NFATC3: variants seen among roughly 807,000 people sequenced by gnomAD.
NFATC3 encodes nuclear factor of activated T cells 3.
In NFATC3, 46 loss-of-function variants were observed where a neutral mutation model predicts 98.6. The observed-to-expected ratio is 0.47, with a 90% CI of 0.37 to 0.60. The LOEUF is 0.60. Ranked by LOEUF, NFATC3 falls within the 20% of genes least tolerant of loss-of-function variation. The pLI, the probability that NFATC3 is intolerant of heterozygous loss-of-function variation, is 0.00. For synonymous variants in NFATC3, 512 were observed against 472.2 expected (o/e 1.08, Z -1.09); for missense variants, 1,256 against 1,295.5 (o/e 0.97, Z 0.47).
chr16:68,179,302 G>A (rs2039856936), intron 6 of NFATC3, among the ~76,000 whole-genome samples: 1 of 152,106 alleles, frequency 6.6e-6, no homozygotes, highest in South Asian at 2.1e-4. Flanking sequence ...ATAATCAACT[G>A]TTTGCGTTTG....
At chr16:68,157,772 G>A in intron 3 of NFATC3, 97 bp from the exon 4 acceptor site, 4 of 912,080 alleles carry the variant, frequency 4.4e-6, no homozygotes, top group Non-Finnish European at 4.9e-6. Context: ...TGTGTCAATA[G>A]TATATGATAG....
intron 1 of NFATC3, among the ~76,000 whole-genome samples, chr16:68,100,315 G>C (rs900627326): frequency 6.6e-6 from 1 of 151,862 alleles, no homozygotes; most frequent in Non-Finnish European, 1.5e-5. Context: ...GCTCACACCT[G>C]TAATCCCAGC....
chr16:68,187,975 G>T (rs1317417323), intron 8 of NFATC3, among the ~76,000 whole-genome samples: 1 of 152,086 alleles, frequency 6.6e-6, no homozygotes, highest in African/African-American at 2.4e-5. Flanking sequence ...CTGTCAAGGG[G>T]CGCCTGCAAA....
chr16:68,145,617 T>C (rs535490637), intron 3 of NFATC3, among the ~76,000 whole-genome samples: 2 of 152,312 alleles, frequency 1.3e-5, no homozygotes, highest in South Asian at 2.1e-4. Context: ...AAAGTCAATA[T>C]ACTATATGAT....
At position 68,143,353 on chromosome 16, in the gene NFATC3, A is replaced by C. The variant is rs2037859979; in HGVS notation, c.1402-14516A>C. On this transcript the variant is annotated intron_variant, in intron 3 of 9. Coordinates refer to ENST00000346183, the MANE Select transcript of NFATC3 (RefSeq NM_173165.3). ...AATGTGAAAATCAGCTGGAATTGTC[A>C]ATTTTTAATTTAAAATAGGTAATAG... is the stretch of plus-strand genomic sequence containing the variant. Among the ~76,000 whole-genome samples, 3 of 152,292 alleles carry C rather than the reference A, an allele frequency of 2.0e-5. No homozygotes were observed. The South Asian group carries it at 6.2e-4, about 32-fold the overall frequency.
chr16:68,160,532 A>G (rs2038842398), intron 4 of NFATC3, among the ~76,000 whole-genome samples: 1 of 152,122 alleles, frequency 6.6e-6, no homozygotes, highest in Non-Finnish European at 1.5e-5. Context: ...ATAAATTTAA[A>G]TAAAATCTTT....
chr16:68,158,954 G>A (rs143471090), intron 4 of NFATC3, among the ~76,000 whole-genome samples: 103 of 152,310 alleles, frequency 6.8e-4, no homozygotes, highest in African/African-American at 2.3e-3. Context: ...TAGGGAGGCC[G>A]AGCACCATGG....
chr16:68,201,955 C>T (rs1431562518), intron 9 of NFATC3, among the ~76,000 whole-genome samples: 61 of 76,432 alleles, frequency 8.0e-4, no homozygotes, highest in Middle Eastern at 0.016. Context: ...GAGACTCCAT[C>T]TCAAAAAAAA....
At chr16:68,187,728 C>A (rs557198199) in intron 8 of NFATC3, among the ~76,000 whole-genome samples, 1 of 152,220 alleles carries the variant, frequency 6.6e-6, no homozygotes, top group Non-Finnish European at 1.5e-5. Flanking sequence ...ATGGATGAGT[C>A]CAGGTTTTAT....
intron 9 of NFATC3, chr16:68,214,509 G>GC: frequency 7.9e-7 from 1 of 1,259,084 alleles, no homozygotes; most frequent in Non-Finnish European, 1.2e-6. Context: ...ATTTGCATGT[G>GC]CTACAGAGGA....
chr16:68,119,102 C>T (rs1277709184), intron 1 of NFATC3, among the ~76,000 whole-genome samples: 4 of 152,044 alleles, frequency 2.6e-5, no homozygotes, highest in African/African-American at 4.8e-5. Context: ...CTCCTGATCT[C>T]GTGATCCACC....
chr16:68,166,560 A>G (rs184484591), intron 4 of NFATC3, among the ~76,000 whole-genome samples: 8 of 152,342 alleles, frequency 5.3e-5, no homozygotes, highest in Middle Eastern at 6.8e-3. Flanking sequence ...GCAGGCATAG[A>G]TACTCTACGT....
chr16:68,178,875 G>A (rs1364216937), intron 6 of NFATC3, among the ~76,000 whole-genome samples: 3 of 152,164 alleles, frequency 2.0e-5, no homozygotes, highest in Non-Finnish European at 4.4e-5. Context: ...TGGTTTTAGA[G>A]GAGATTGCAG....
chr16:68,164,183 C>T (rs1010568151), intron 4 of NFATC3, among the ~76,000 whole-genome samples: 1 of 152,210 alleles, frequency 6.6e-6, no homozygotes, highest in South Asian at 2.1e-4. Flanking sequence ...GCGGATCACT[C>T]GTGGTTAGGA....
chr16:68,134,948 T>C (rs749773325), intron 3 of NFATC3, among the ~76,000 whole-genome samples: 3 of 152,130 alleles, frequency 2.0e-5, no homozygotes, highest in Non-Finnish European at 2.9e-5. Context: ...ATAGAGATAA[T>C]GTTCTTTTAT....
intron 4 of NFATC3, among the ~76,000 whole-genome samples, chr16:68,162,029 A>C (rs2038916625): frequency 6.6e-6 from 1 of 152,134 alleles, no homozygotes; most frequent in Non-Finnish European, 1.5e-5. Context: ...TGTATTTTAG[A>C]CCAGAAAGGA....
chr16:68,126,332 A>G lies in NFATC3; in HGVS notation c.1239-116A>G, dbSNP rs1224032543. ...CTTACTAAATGAAGTTTTATTTTGTAATACATTGTTTCAAAGATCAAAGGA... is the reference window on the plus strand; with the variant it reads ...CTTACTAAATGAAGTTTTATTTTGTGATACATTGTTTCAAAGATCAAAGGA... On this transcript the variant is annotated intron_variant, in intron 2 of 9. Coordinates refer to ENST00000346183, the MANE Select transcript of NFATC3 (RefSeq NM_173165.3). 7.9e-5 allele frequency: 70 copies of G among 884,572 alleles called. 2 individuals are homozygous for G. Among genetic ancestry groups the G allele is most frequent in the Non-Finnish European group, 1.1e-4 (67 of 587,990 alleles). The allele number at this position is 884,572 out of a possible 1,614,324, so 54.8% of individuals were successfully genotyped here. A position where few individuals can be genotyped will look rare whatever the true frequency, so the allele number is the denominator to read the frequency against.
At chr16:68,090,132 C>T (rs529929643) in intron 1 of NFATC3, among the ~76,000 whole-genome samples, 1 of 152,172 alleles carries the variant, frequency 6.6e-6, no homozygotes, top group South Asian at 2.1e-4. Context: ...ATCCAATTTA[C>T]TGTCTCTTAG....
intron 9 of NFATC3, chr16:68,221,352 C>T (rs1272761445): frequency 6.3e-7 from 1 of 1,594,488 alleles, no homozygotes; most frequent in African/African-American, 1.4e-5. Context: ...AGAGGACTTG[C>T]ATGATTAACA....
Sources: gnomAD v4.1 joint callset for allele counts (sites outside exome capture counted in the v4.1 genomes callset) on GRCh38, gnomAD v4.1.1 for gene constraint, MANE v1.5 for transcripts, NCBI Gene and HGNC (gene_info 2026-07-23, HGNC 2026-07-21) for gene names.